HK1: variants seen among roughly 807,000 people sequenced by gnomAD.
The protein encoded by HK1 is hexokinase-1.
A neutral mutation model predicts 91.6 loss-of-function variants in HK1; 28 were observed. The observed-to-expected ratio is 0.31, with a 90% CI of 0.23 to 0.42. The LOEUF is 0.42. HK1 is among the 10% of genes least tolerant of loss of function. HK1 has a pLI of 1.00. For missense variants in HK1, 770 were observed against 1,219.8 expected (o/e 0.63, Z 5.49); for synonymous variants, 430 against 468.1 (o/e 0.92, Z 1.05).
chr10:69,361,980 A>G (rs10762286), intron 3 of HK1, among the ~76,000 whole-genome samples: 70,829 of 151,872 alleles, frequency 0.47, 17,768 homozygotes, highest in African/African-American at 0.64. Context: ...ACCACACCTG[A>G]CTAATTTTGT....
intron 7 of HK1, 147 bp from the exon 8 acceptor site, chr10:69,376,787 C>G: frequency 2.0e-6 from 2 of 995,842 alleles, no homozygotes; most frequent in Non-Finnish European, 3.2e-6. Context: ...GCTGTTCAGT[C>G]ACTCAAGCAC....
chr10:69,380,246 T>A lies in HK1; in HGVS notation c.1265+151T>A. On this transcript the variant is annotated intron_variant, in intron 9 of 17. Coordinates refer to ENST00000359426, the MANE Select transcript of HK1 (RefSeq NM_000188.3). This position sits in a 1 kb window ranked among gnomAD's most constrained non-coding sequence, Gnocchi z 4.0. ...TGGCTCATGCCTGTAATCTTAGCAC[T>A]TTGAGAGGCCGAGGCAGGAGGAAGG... 1 of 720,286 alleles carries A rather than the reference T, an allele frequency of 1.4e-6. No homozygotes were observed. The allele number at this position is 720,286 out of a possible 1,614,324, so 44.6% of individuals were successfully genotyped here.
At chr10:69,341,004 T>G (rs1213232579) in intron 1 of HK1, among the ~76,000 whole-genome samples, 1 of 152,030 alleles carries the variant, frequency 6.6e-6, no homozygotes, top group African/African-American at 2.4e-5. Context: ...TCTCCCATGC[T>G]TGCAACGTGG....
At chr10:69,280,659 C>T (rs544514863) in intron 1 of HK1, among the ~76,000 whole-genome samples, 11 of 152,284 alleles carry the variant, frequency 7.2e-5, no homozygotes, top group South Asian at 2.1e-4. Context: ...CCAGTGAGGA[C>T]GGAGTAAGAA....
chr10:69,367,415 A>G (rs1197176369), intron 4 of HK1, among the ~76,000 whole-genome samples: 1 of 152,146 alleles, frequency 6.6e-6, no homozygotes, highest in Non-Finnish European at 1.5e-5. Context: ...CCAGCAGGAA[A>G]TGGGCAGACA....
At chr10:69,347,062 A>C (rs1848595009) in intron 2 of HK1, among the ~76,000 whole-genome samples, 1 of 150,272 alleles carries the variant, frequency 6.7e-6, no homozygotes, top group Admixed American at 6.7e-5. Context: ...TTTGAGATGG[A>C]GTCTTGCTCT....
At position 69,380,011 on chromosome 10, in the gene HK1, T is replaced by G; in HGVS notation, c.1181T>G (p.Leu394Trp). The change falls in exon 9 of 18, where the codon TTG becomes TGG. Residue 394 changes from leucine (L) to tryptophan (W), a missense_variant. Leu to Trp is a moderately conservative substitution (Grantham distance 61). Transcript: ENST00000359426. The surrounding 1 kb of genome is among the most constrained non-coding windows in gnomAD (Gnocchi z 4.0). ...NLVAATLGAI[L>W]NRLRDNKGTP... ...GTGGCTGCCACACTGGGCGCCATCT[T>G]GAACCGCCTGCGTGATAACAAGGGC... 6.2e-7 allele frequency: 1 copy of G among 1,614,178 alleles called. No individual in the cohort carries two copies. Among genetic ancestry groups the G allele is most frequent in the Non-Finnish European group, 8.5e-7 (1 of 1,180,014 alleles).
At chr10:69,355,406 A>T (rs954086101) in intron 2 of HK1, among the ~76,000 whole-genome samples, 2 of 152,256 alleles carry the variant, frequency 1.3e-5, no homozygotes, top group African/African-American at 4.8e-5. Flanking sequence ...CAATTTCAAA[A>T]TTTTCAGCAA....
At chr10:69,326,035 C>G (rs182846849) in intron 1 of HK1, among the ~76,000 whole-genome samples, 135 of 151,746 alleles carry the variant, frequency 8.9e-4, no homozygotes, top group African/African-American at 3.1e-3. Context: ...GGGGTTTCAC[C>G]GTGTTGGCCA....
chr10:69,298,423 T>C (rs1845679072), intron 4 of HK1, among the ~76,000 whole-genome samples: 1 of 151,564 alleles, frequency 6.6e-6, no homozygotes, highest in Non-Finnish European at 1.5e-5. Context: ...GCCAGGGTCT[T>C]GAGAACATCC....
upstream of HK1, among the ~76,000 whole-genome samples, chr10:69,311,664 T>A (rs1399076288): frequency 6.6e-6 from 1 of 151,612 alleles, no homozygotes; most frequent in Non-Finnish European, 1.5e-5. Context: ...TGAGACGGAG[T>A]CTTCCTCTGT....
At chr10:69,365,689 G>A (rs1849664020) in intron 4 of HK1, among the ~76,000 whole-genome samples, 3 of 152,230 alleles carry the variant, frequency 2.0e-5, no homozygotes, top group Admixed American at 1.3e-4. Flanking sequence ...ACCAGCCTGG[G>A]CAATCTGTAC....
At chr10:69,377,563 G>A (rs1177936671) in intron 8 of HK1, among the ~76,000 whole-genome samples, 1 of 151,964 alleles carries the variant, frequency 6.6e-6, no homozygotes, top group Non-Finnish European at 1.5e-5. Context: ...TTAATTAGGT[G>A]CTCCCTGAAA....
intron 4 of HK1, among the ~76,000 whole-genome samples, chr10:69,365,615 T>C (rs989038718): frequency 1.3e-5 from 2 of 152,128 alleles, no homozygotes; most frequent in African/African-American, 4.8e-5. Context: ...CAGTGGTTCA[T>C]GCCTGTAATC....
intron 7 of HK1, among the ~76,000 whole-genome samples, chr10:69,373,643 T>A (rs2132837961): frequency 6.6e-6 from 1 of 151,042 alleles, no homozygotes; most frequent in African/African-American, 2.4e-5. Context: ...CAGGCTGGAG[T>A]GCAGTGATGT....
upstream of HK1, among the ~76,000 whole-genome samples, chr10:69,314,492 G>C (rs188746873): frequency 2.6e-5 from 4 of 152,102 alleles, no homozygotes; most frequent in African/African-American, 9.7e-5. Context: ...ATAGTGTCAG[G>C]GTTCTAAGAT....
In HK1 at chr10:69,382,770, C is replaced by T. The variant is rs568551856; in HGVS notation, c.1549C>T (p.Arg517Trp). 129 of 1,612,226 alleles carry T rather than the reference C, an allele frequency of 8.0e-5. 1 individual carries two copies. In the South Asian group the frequency reaches 1.1e-3, roughly 14 times the overall value. Residue 517 changes from arginine (R) to tryptophan (W), a missense_variant, in exon 10 of 18, where the codon CGG becomes TGG. By Grantham distance (101) the Arg-to-Trp change is moderately radical. Around this residue, in one of 7 missense-constraint regions of HK1, gnomAD observed 48 missense variants for 128.2 expected, o/e 0.37. Transcript: ENST00000359426. ...AVVKMLPSFV[R>W]RTPDGTENGD... ...GGTTAAGATGCTGCCCTCCTTCGTC[C>T]GGAGAACTCCCGACGGGACCGGTGA... is the stretch of plus-strand genomic sequence containing the variant.
chr10:69,355,953 C>T (rs1849104964), intron 2 of HK1, among the ~76,000 whole-genome samples: 3 of 152,192 alleles, frequency 2.0e-5, no homozygotes, highest in Non-Finnish European at 2.9e-5. Context: ...GTTTGACCTA[C>T]ACCTCATACC....
intron 16 of HK1, among the ~76,000 whole-genome samples, chr10:69,398,356 A>G (rs539772420): frequency 4.6e-5 from 7 of 152,252 alleles, no homozygotes; most frequent in Non-Finnish European, 1.0e-4. Context: ...CTGGAAGGAA[A>G]TATATTAAAA....
Sources: allele counts gnomAD v4.1 joint callset (sites outside exome capture counted in the v4.1 genomes callset), GRCh38; gene constraint gnomAD v4.1.1; regional missense constraint gnomAD v4.1.1; non-coding constraint Gnocchi (gnomAD v3.1); transcripts MANE v1.5; gene names NCBI Gene and HGNC (gene_info 2026-07-23, HGNC 2026-07-21).